TSHZ2: variants seen among roughly 807,000 people sequenced by gnomAD.
The protein encoded by TSHZ2 is teashirt homolog 2.
In TSHZ2, 21 loss-of-function variants were observed where a neutral mutation model predicts 74.4. That is an observed-to-expected ratio of 0.28 (90% CI 0.20 to 0.41). TSHZ2 has a LOEUF of 0.41. Among genes scored for constraint, TSHZ2 ranks in the 10% least tolerant of loss-of-function variants. The pLI, the probability that TSHZ2 is intolerant of heterozygous loss-of-function variation, is 1.00. For missense variants in TSHZ2, 1,244 were observed against 1,293.5 expected (o/e 0.96, Z 0.59); for synonymous variants, 540 against 515.3 (o/e 1.05, Z -0.65).
At chr20:53,268,496 G>C (rs1990764455) in intron 2 of TSHZ2, among the ~76,000 whole-genome samples, 1 of 152,178 alleles carries the variant, frequency 6.6e-6, no homozygotes, top group Admixed American at 6.5e-5. Context: ...CAGGATTTGA[G>C]TACCACTTCA....
intron 2 of TSHZ2, among the ~76,000 whole-genome samples, chr20:53,348,599 G>C (rs979215848): frequency 6.6e-6 from 1 of 152,096 alleles, no homozygotes. Flanking sequence ...ATATTGAGCC[G>C]GAAATTTTGG....
chr20:53,385,557 G>A (rs1049124323), intron 2 of TSHZ2, among the ~76,000 whole-genome samples: 5 of 152,296 alleles, frequency 3.3e-5, no homozygotes, highest in South Asian at 4.2e-4. Context: ...GTCGTGGGGC[G>A]TGACAGCCTT....
intron 2 of TSHZ2, among the ~76,000 whole-genome samples, chr20:53,340,296 C>T (rs1448749861): frequency 2.0e-5 from 3 of 149,624 alleles, no homozygotes; most frequent in Non-Finnish European, 4.4e-5. Flanking sequence ...CATTCTCCTG[C>T]CTCAGCCTCC....
chr20:53,150,573 G>A (rs535998137), intron 1 of TSHZ2, among the ~76,000 whole-genome samples: 1 of 151,958 alleles, frequency 6.6e-6, no homozygotes, highest in Non-Finnish European at 1.5e-5. Context: ...CCTTCACAGG[G>A]AGTGTTGGTG....
At chr20:53,369,120 C>T (rs771483778) in intron 2 of TSHZ2, among the ~76,000 whole-genome samples, 3 of 152,124 alleles carry the variant, frequency 2.0e-5, no homozygotes, top group Non-Finnish European at 4.4e-5. Context: ...CAAACATTAA[C>T]TGGGTGTGGT....
intron 2 of TSHZ2, among the ~76,000 whole-genome samples, chr20:53,450,940 T>C (rs1387717084): frequency 6.6e-6 from 1 of 152,084 alleles, no homozygotes. Context: ...TTTTCTCTAC[T>C]TAATACTACT....
At chr20:52,975,095 C>T (rs1323786566) in intron 1 of TSHZ2, among the ~76,000 whole-genome samples, 6 of 152,104 alleles carry the variant, frequency 3.9e-5, no homozygotes, top group African/African-American at 1.2e-4. Context: ...TGTTCAATGG[C>T]CTTTGAGACC....
intron 1 of TSHZ2, among the ~76,000 whole-genome samples, chr20:53,166,447 G>A (rs1988065284): frequency 1.3e-5 from 2 of 151,932 alleles, no homozygotes; most frequent in Non-Finnish European, 2.9e-5. Flanking sequence ...GCAAGAGCCT[G>A]TCTCTACAAA....
chr20:53,294,394 C>T (rs1039669226), intron 2 of TSHZ2, among the ~76,000 whole-genome samples: 2 of 152,046 alleles, frequency 1.3e-5, no homozygotes, highest in Non-Finnish European at 1.5e-5. Flanking sequence ...AAAATACTTT[C>T]CCCACCTCTT....
At chr20:53,121,621 G>A (rs946008392) in intron 1 of TSHZ2, among the ~76,000 whole-genome samples, 1 of 152,184 alleles carries the variant, frequency 6.6e-6, no homozygotes, top group African/African-American at 2.4e-5. Context: ...TTCAAGAGAA[G>A]CCAAAAATCT....
At chr20:53,378,681 A>G (rs1226875037) in intron 2 of TSHZ2, among the ~76,000 whole-genome samples, 1 of 152,210 alleles carries the variant, frequency 6.6e-6, no homozygotes, top group Non-Finnish European at 1.5e-5. Context: ...TTGAGGTAGG[A>G]TAGCTAATGA....
intron 1 of TSHZ2, among the ~76,000 whole-genome samples, chr20:53,027,010 A>G (rs1983469735): frequency 6.6e-6 from 1 of 152,144 alleles, no homozygotes; most frequent in Admixed American, 6.5e-5. Context: ...ATAAATAAAC[A>G]ACAAAAACTA....
At chr20:53,041,557 C>A (rs182293605) in intron 1 of TSHZ2, among the ~76,000 whole-genome samples, 21 of 152,230 alleles carry the variant, frequency 1.4e-4, no homozygotes, top group Admixed American at 9.2e-4. Flanking sequence ...GACAGTTTCT[C>A]AAGGAAGACT....
At position 53,038,908 on chromosome 20, in the gene TSHZ2, G is replaced by GTTTGTTTTT. The variant is rs146845423; in HGVS notation, c.40+65578_40+65579insGTTTTTTTT. On this transcript the variant is annotated intron_variant, in intron 1 of 2. Transcript: ENST00000371497. ...GTTTTGTTTGTTTGTTTGTTTGTTT[G>GTTTGTTTTT]TTTTTGAGATGGAGTTTCACTCTTG... Among the ~76,000 whole-genome samples, 125 of 148,096 alleles carry GTTTGTTTTT rather than the reference G, an allele frequency of 8.4e-4. 1 individual carries two copies. In the South Asian group the frequency reaches 0.02, roughly 23 times the overall value.
At position 53,021,598 on chromosome 20, in the gene TSHZ2, A is replaced by G. The variant is rs115529391; in HGVS notation, c.40+48265A>G. ...CCAATAATTTCCCCTTACGATAAAT[A>G]TGCATCTCTGTTTTTTATTTTTCAA... On this transcript the variant is annotated intron_variant, in intron 1 of 2. Coordinates refer to ENST00000371497, the MANE Select transcript of TSHZ2 (RefSeq NM_173485.6). Among the ~76,000 whole-genome samples, 361 of 152,332 alleles carry G rather than the reference A, an allele frequency of 2.4e-3. 1 individual carries two copies. The highest frequency in any genetic ancestry group is 8.4e-3 in the African/African-American group (349 of 41,574).
rs376917913 is a variant in TSHZ2, at chr20:53,454,029, T to G, written c.*9-33115T>G. On this transcript the variant is annotated intron_variant, in intron 2 of 2. Coordinates refer to ENST00000371497, the MANE Select transcript of TSHZ2 (RefSeq NM_173485.6). ...CTACCTATAACTTCATATACACACA[T>G]GCACCAAAATGCTAAATTCTGCTTA... Among the ~76,000 whole-genome samples, 203 of 152,308 alleles carry G rather than the reference T, an allele frequency of 1.3e-3. 1 individual carries two copies. The highest frequency in any genetic ancestry group is 4.3e-3 in the African/African-American group (180 of 41,578).
chr20:53,047,991 G>A (rs1984287986), intron 1 of TSHZ2, among the ~76,000 whole-genome samples: 1 of 152,198 alleles, frequency 6.6e-6, no homozygotes, highest in Non-Finnish European at 1.5e-5. Context: ...GGCCAAGTTA[G>A]TAAACAGGTT....
intron 1 of TSHZ2, among the ~76,000 whole-genome samples, chr20:53,002,483 C>A (rs1193094573): frequency 6.6e-6 from 1 of 152,016 alleles, no homozygotes; most frequent in Non-Finnish European, 1.5e-5. Context: ...AAAAATAAAC[C>A]AAGGCTCAAG....
At chr20:53,183,119 C>G (rs1988520733) in intron 1 of TSHZ2, among the ~76,000 whole-genome samples, 2 of 152,112 alleles carry the variant, frequency 1.3e-5, no homozygotes, top group Non-Finnish European at 2.9e-5. Context: ...GAGAAAGGAC[C>G]CTTCCCCTGG....
Sources: gnomAD v4.1 joint callset for allele counts (sites outside exome capture counted in the v4.1 genomes callset) on GRCh38, gnomAD v4.1.1 for gene constraint, MANE v1.5 for transcripts, NCBI Gene and HGNC (gene_info 2026-07-23, HGNC 2026-07-21) for gene names.